STAM: variants seen among roughly 807,000 people sequenced by gnomAD.
STAM encodes signal transducing adapter molecule 1.
In STAM, 16 loss-of-function variants were observed where a neutral mutation model predicts 63.4. That is an observed-to-expected ratio of 0.25 (90% confidence interval 0.17 to 0.38). The LOEUF (loss-of-function observed/expected upper bound fraction) is 0.38. Among genes scored for constraint, STAM ranks in the 10% least tolerant of loss-of-function variants. The pLI is 1.00. For synonymous variants in STAM, 238 were observed against 223.9 expected (o/e 1.06, Z -0.56); for missense variants, 636 against 657.1 (o/e 0.97, Z 0.35).
At chr10:17,672,903 G>T in intron 2 of STAM, 1 of 350,498 alleles carries the variant, frequency 2.9e-6, no homozygotes, top group Non-Finnish European at 4.0e-6. Flanking sequence ...TGGGAAAAGT[G>T]AGAGATAATT....
chr10:17,702,080 C>G (rs1421119277), intron 9 of STAM, among the ~76,000 whole-genome samples: 4 of 152,050 alleles, frequency 2.6e-5, no homozygotes, highest in African/African-American at 7.2e-5. Context: ...CAAAATTTCT[C>G]CTCACTTTCA....
At chr10:17,657,841 T>TTCTCTC (rs202232803) in intron 1 of STAM, among the ~76,000 whole-genome samples, 8 of 148,166 alleles carry the variant, frequency 5.4e-5, no homozygotes, top group African/African-American at 7.5e-5. Context: ...AATTGGTGTT[T>TTCTCTC]TCTCTCTCTT....
chr10:17,683,964 A>G (rs1223050398), intron 2 of STAM, among the ~76,000 whole-genome samples: 3 of 152,162 alleles, frequency 2.0e-5, no homozygotes, highest in African/African-American at 7.2e-5. Flanking sequence ...GTTGTTAGGC[A>G]GTATGTAGGT....
In STAM at chr10:17,688,176, A is replaced by G. The variant is rs782145676; in HGVS notation, c.444+3A>G. On this transcript the variant is annotated splice_donor_region_variant and intron_variant, in intron 5 of 13. Transcript: ENST00000377524. The stretch of plus-strand genomic sequence containing the variant: ...CGTTCCCAGCTATTGGCTCTCAGGT[A>G]TTTTGGGAATGAAGTTGTGTGTGTG... 1 of 1,535,436 alleles carries G rather than the reference A, an allele frequency of 6.5e-7. No individual in the cohort carries two copies. The highest frequency in any genetic ancestry group is 2.0e-5 in the Admixed American group (1 of 49,788).
In STAM at chr10:17,684,716, A is replaced by G; in HGVS notation, c.167A>G (p.His56Arg). ...CGGTCTATTATGAGAAGAGTGAACC[A>G]CAAAGATCCTCACGTTGCTATGCAG... ...CLRSIMRRVNHKDPHVAMQAL... is the reference protein window; with the variant it reads ...CLRSIMRRVNRKDPHVAMQAL... Residue 56 changes from histidine to arginine, a missense_variant, in exon 3 of 14, where the codon CAC (histidine) becomes CGC (arginine). Coordinates refer to ENST00000377524, the MANE Select transcript of STAM (RefSeq NM_003473.4). The G allele has an allele frequency of 6.2e-7, 1 of 1,614,102 alleles. No individual in the cohort carries two copies. Among genetic ancestry groups the G allele is most frequent in the Non-Finnish European group, 8.5e-7 (1 of 1,180,014 alleles).
intron 8 of STAM, among the ~76,000 whole-genome samples, chr10:17,699,810 G>C (rs1466731182): frequency 1.3e-5 from 2 of 151,952 alleles, no homozygotes; most frequent in Admixed American, 6.6e-5. Flanking sequence ...TGAAGGATTA[G>C]TAATTTAAAA....
chr10:17,670,246 A>G (rs111809697), intron 2 of STAM, among the ~76,000 whole-genome samples: 37 of 152,218 alleles, frequency 2.4e-4, no homozygotes, highest in African/African-American at 8.9e-4. Flanking sequence ...TTTTTATTTT[A>G]CTAAGTCTTA....
intron 2 of STAM, among the ~76,000 whole-genome samples, chr10:17,677,161 G>T (rs1834890853): frequency 6.6e-6 from 1 of 152,114 alleles, no homozygotes; most frequent in Non-Finnish European, 1.5e-5. Flanking sequence ...TGGTGCCAGA[G>T]ATATCTTTGC....
At chr10:17,691,832 GCC>G (rs1295385075) in intron 5 of STAM, among the ~76,000 whole-genome samples, 1 of 152,134 alleles carries the variant, frequency 6.6e-6, no homozygotes, top group African/African-American at 2.4e-5. Context: ...TAAATTGTTT[GCC>G]CTGGGAATGA....
At chr10:17,670,572 T>A (rs1589049747) in intron 2 of STAM, among the ~76,000 whole-genome samples, 1 of 152,348 alleles carries the variant, frequency 6.6e-6, no homozygotes, top group East Asian at 1.9e-4. Flanking sequence ...TTGTGTTTTG[T>A]TTGACTGAAA....
In STAM at chr10:17,704,506, C is replaced by A. The variant is rs782537087; in HGVS notation, c.988C>A (p.Leu330Ile). ...TGATCAGCCAGACCTACCAGAGCTG[C>A]TTCATCTTGAAGGTAAAACTTTTCT... is the stretch of plus-strand genomic sequence containing the variant. ...SDDQPDLPEL[L>I]HLEAMCHQMG... The change falls in exon 10 of 14, where the codon CTT becomes ATT. Residue 330 changes from leucine (L) to isoleucine (I), a missense_variant. This residue lies in a region of STAM where 532 missense variants were observed against 536.9 expected (regional missense o/e 0.99). Coordinates refer to ENST00000377524, the MANE Select transcript of STAM (RefSeq NM_003473.4). 8 of 1,613,974 alleles carry A rather than the reference C, an allele frequency of 5.0e-6. No individual in the cohort carries two copies. In the Admixed American group the frequency reaches 1.3e-4, roughly 27 times the overall value.
At chr10:17,694,725 T>G (rs1489217811) in intron 6 of STAM, among the ~76,000 whole-genome samples, 1 of 152,144 alleles carries the variant, frequency 6.6e-6, no homozygotes, top group Non-Finnish European at 1.5e-5. Flanking sequence ...GAAAAAAAGG[T>G]CAAGGAAAAT....
chr10:17,684,318 T>G (rs797037795), intron 2 of STAM, among the ~76,000 whole-genome samples: 56 of 152,350 alleles, frequency 3.7e-4, no homozygotes, highest in African/African-American at 1.3e-3. Flanking sequence ...GTGGAAAATC[T>G]GTTTTTCCAG....
chr10:17,661,543 T>A (rs1834165577), intron 2 of STAM, among the ~76,000 whole-genome samples: 1 of 152,224 alleles, frequency 6.6e-6, no homozygotes, highest in Admixed American at 6.5e-5. Flanking sequence ...GACACTGCAT[T>A]ATTTCTGGAT....
At position 17,695,114 on chromosome 10, in the gene STAM, A is replaced by T. The variant is rs1554827303; in HGVS notation, c.601A>T (p.Thr201Ser). The change falls in exon 7 of 14, where the codon ACA (threonine) becomes TCA (serine). Residue 201 changes from threonine (T) to serine (S), a missense_variant. Physicochemically the swap from Thr to Ser is moderately conservative, Grantham distance 58. This residue lies in a region of STAM where 532 missense variants were observed against 536.9 expected (regional missense o/e 0.99). Transcript: ENST00000377524. ...CACCCTTTCCACTTTGTATCCAAGC[A>T]CATCCAGTCTCTTAACTAACCACCA... is the stretch of plus-strand genomic sequence containing the variant. ...STTLSTLYPS[T>S]SSLLTNHQHE... 2 of 1,614,088 alleles carry T rather than the reference A, an allele frequency of 1.2e-6. No homozygotes were observed. The highest frequency in any genetic ancestry group is 3.3e-5 in the Admixed American group (2 of 60,024).
intron 8 of STAM, among the ~76,000 whole-genome samples, chr10:17,698,937 G>C (rs1230062411): frequency 6.6e-6 from 1 of 152,154 alleles, no homozygotes; most frequent in Non-Finnish European, 1.5e-5. Context: ...TCCTTTATAG[G>C]AAAATGAATC....
intron 1 of STAM, among the ~76,000 whole-genome samples, chr10:17,653,532 G>A (rs1284565504): frequency 1.3e-5 from 2 of 152,142 alleles, no homozygotes; most frequent in African/African-American, 4.8e-5. Flanking sequence ...CCCAGATCTA[G>A]CTCCATACAG....
At chr10:17,703,926 A>G (rs1836134940) in intron 9 of STAM, among the ~76,000 whole-genome samples, 1 of 152,228 alleles carries the variant, frequency 6.6e-6, no homozygotes, top group Non-Finnish European at 1.5e-5. Context: ...AAGCAATGCC[A>G]TCTTGAGATG....
chr10:17,686,378 CTTT>C (rs782424712), intron 4 of STAM, among the ~76,000 whole-genome samples: 3 of 138,032 alleles, frequency 2.2e-5, no homozygotes, highest in Admixed American at 7.3e-5. Flanking sequence ...AACATCCCGC[CTTT>C]TTTTTTTTTT....
Sources: gnomAD v4.1 joint callset for allele counts (sites outside exome capture counted in the v4.1 genomes callset) on GRCh38, gnomAD v4.1.1 for gene constraint, gnomAD v4.1.1 regional missense constraint, MANE v1.5 for transcripts, NCBI Gene and HGNC (gene_info 2026-07-23, HGNC 2026-07-21) for gene names.